The following SNRPN variants were observed in gnomAD, a reference collection of about 807,000 sequenced individuals.
SNRPN encodes the protein small nuclear ribonucleoprotein-associated protein N.
In SNRPN, 7 loss-of-function variants were observed where a neutral mutation model predicts 25.2. The observed-to-expected ratio is 0.28, with a 90% CI of 0.16 to 0.52. The LOEUF is 0.52. SNRPN is among the 20% of genes least tolerant of loss of function. The pLI is 0.96. For synonymous variants in SNRPN, 124 were observed against 110.6 expected (o/e 1.12, Z -0.76); for missense variants, 196 against 322.5 (o/e 0.61, Z 3.00).
At chr15:24,922,890 C>T (rs973719475) in intron 3 of SNRPN, among the ~76,000 whole-genome samples, 48 of 68,146 alleles carry the variant, frequency 7.0e-4, no homozygotes, top group East Asian at 1.1e-3. Context: ...TAGGCAGATC[C>T]TTTTTTTTTT....
chr15:24,919,430 CAAA>C (rs59552412), intron 2 of SNRPN, among the ~76,000 whole-genome samples: 1 of 128,424 alleles, frequency 7.8e-6, no homozygotes, highest in Non-Finnish European at 1.6e-5. Context: ...GACTCTGTCT[CAAA>C]AAAAAAAAAA....
At chr15:24,940,768 T>G (rs1473431631) in intron 3 of SNRPN, among the ~76,000 whole-genome samples, 4 of 150,740 alleles carry the variant, frequency 2.7e-5, no homozygotes, top group African/African-American at 2.5e-5. Flanking sequence ...GTGTGTGTGT[T>G]TGTGTGTGTG....
chr15:24,923,096 G>A (rs558353060), intron 3 of SNRPN, among the ~76,000 whole-genome samples: 4 of 151,922 alleles, frequency 2.6e-5, no homozygotes, highest in African/African-American at 9.7e-5. Context: ...AGCAGAGATG[G>A]GGTTTTACCA....
At chr15:24,840,781 A>G (rs2051621161) in intron 2 of SNRPN, among the ~76,000 whole-genome samples, 1 of 152,086 alleles carries the variant, frequency 6.6e-6, no homozygotes, top group Non-Finnish European at 1.5e-5. Context: ...TAGCTTTGGC[A>G]TTCATTGTGC....
At chr15:24,895,628 A>G (rs1435012100) in intron 2 of SNRPN, among the ~76,000 whole-genome samples, 1 of 152,158 alleles carries the variant, frequency 6.6e-6, no homozygotes, top group East Asian at 1.9e-4. Flanking sequence ...TATCTGGCTC[A>G]TGAGATAAGA....
At chr15:24,961,660 T>C in intron 1 of SNRPN, among the ~76,000 whole-genome samples, 1 of 152,198 alleles carries the variant, frequency 6.6e-6, no homozygotes, top group Non-Finnish European at 1.5e-5. Context: ...TTAAAGTAGA[T>C]ATTTTATAAT....
intron 7 of SNRPN, 86 bp downstream of exon 7, chr15:24,977,115 G>C: frequency 1.1e-5 from 12 of 1,048,194 alleles, no homozygotes; most frequent in South Asian, 1.8e-5. Context: ...AAGTGTATGT[G>C]TCATACAATG....
chr15:24,834,364 G>A (rs751339476), intron 2 of SNRPN, among the ~76,000 whole-genome samples: 2 of 152,040 alleles, frequency 1.3e-5, no homozygotes, highest in Non-Finnish European at 2.9e-5. Context: ...TTCTAAGACG[G>A]CTCAGCATGA....
At position 24,955,867 on chromosome 15, in the gene SNRPN, C is replaced by T. The variant is rs146275998; in HGVS notation, c.-391+805C>T. On this transcript the variant is annotated intron_variant, in intron 1 of 9. Coordinates refer to ENST00000390687, the MANE Select transcript of SNRPN (RefSeq NM_003097.6). The stretch of plus-strand genomic sequence containing the variant: ...CATGGCATGGAGGCGGTGGGCATGG[C>T]GGCCGCGGGGCCTGTCGCTGTCCGG... Among the ~76,000 whole-genome samples the T allele has an allele frequency of 2.2e-3, 332 of 151,532 alleles. 1 individual carries two copies. Among genetic ancestry groups the T allele is most frequent in the African/African-American group, 7.5e-3 (308 of 41,264 alleles).
intron 1 of SNRPN, among the ~76,000 whole-genome samples, chr15:24,955,332 G>A (rs570668357): frequency 6.6e-6 from 1 of 152,126 alleles, no homozygotes; most frequent in East Asian, 2.0e-4. Context: ...GGGTGTCTGC[G>A]GTGGGAAGGG....
intron 2 of SNRPN, among the ~76,000 whole-genome samples, chr15:24,908,147 T>A (rs797006759): frequency 6.6e-6 from 1 of 150,704 alleles, no homozygotes; most frequent in South Asian, 2.1e-4. Context: ...CTTGATGGCG[T>A]AATTGGACTT....
chr15:24,838,409 T>A (rs1042428443), intron 2 of SNRPN, among the ~76,000 whole-genome samples: 11 of 152,072 alleles, frequency 7.2e-5, no homozygotes, highest in African/African-American at 2.7e-4. Flanking sequence ...TTATAGAGTT[T>A]CAACAAATAC....
At chr15:24,941,156 T>C (rs2061530224) in intron 3 of SNRPN, among the ~76,000 whole-genome samples, 1 of 152,136 alleles carries the variant, frequency 6.6e-6, no homozygotes, top group African/African-American at 2.4e-5. Context: ...TTTGTATTTT[T>C]AGTAGATACG....
chr15:24,970,879 A>G (rs1208856778), intron 3 of SNRPN, among the ~76,000 whole-genome samples: 1 of 152,026 alleles, frequency 6.6e-6, no homozygotes, highest in Non-Finnish European at 1.5e-5. Context: ...AATTGGAATT[A>G]TTGTGTATTA....
At chr15:24,843,972 G>GA (rs58031649) in intron 2 of SNRPN, among the ~76,000 whole-genome samples, 4,179 of 135,112 alleles carry the variant, frequency 0.031, 134 homozygotes, top group African/African-American at 0.087. Context: ...ACTCTGTCTT[G>GA]AAAAAAAAAA....
rs181339667 is a variant in SNRPN at position 24,893,912 on chromosome 15, A to G, written c.-505+7323A>G. On this transcript the variant is annotated intron_variant, in intron 2 of 11. Coordinates refer to the SNRPN transcript ENST00000400097. ...AAAATAGGAAAAGAAAAACTGAAGG[A>G]AAAAGGAAAAAAACCCAATCCGTAA... 1.0e-3 allele frequency among the ~76,000 whole-genome samples: 153 copies of G among 152,314 alleles called. 1 individual carries two copies. Among genetic ancestry groups the G allele is most frequent in the African/African-American group, 3.5e-3 (146 of 41,582 alleles).
intron 3 of SNRPN, among the ~76,000 whole-genome samples, chr15:24,969,320 G>A (rs2076102050): frequency 6.6e-6 from 1 of 151,996 alleles, no homozygotes; most frequent in Admixed American, 6.6e-5. Context: ...GTAGAGACGG[G>A]GTTTCACCAT....
rs75465312 is a variant in SNRPN at position 24,929,238 on chromosome 15, C to T, written c.-391+9114C>T. ...ATATTTTCCATCCCAATCTACACCG[C>T]AGGGTTTTTCCTTGCCTTCCTATTT... On this transcript the variant is annotated intron_variant, in intron 3 of 11. Transcript: ENST00000400097. This position sits in a 1 kb window ranked among gnomAD's most constrained non-coding sequence, Gnocchi z 5.3. Among the ~76,000 whole-genome samples the T allele has an allele frequency of 0.11, 16,537 of 152,024 alleles. 980 individuals carry two copies. The highest frequency in any genetic ancestry group is 0.15 in the African/African-American group (6,163 of 41,442).
At chr15:24,844,383 T>C (rs2144151888) in intron 2 of SNRPN, among the ~76,000 whole-genome samples, 1 of 152,306 alleles carries the variant, frequency 6.6e-6, no homozygotes, top group South Asian at 2.1e-4. Context: ...TTTAACTATG[T>C]ATATGTATAA....
Sources: allele counts gnomAD v4.1 joint callset (sites outside exome capture counted in the v4.1 genomes callset), GRCh38; gene constraint gnomAD v4.1.1; non-coding constraint Gnocchi (gnomAD v3.1); transcripts MANE v1.5; gene names NCBI Gene and HGNC (gene_info 2026-07-23, HGNC 2026-07-21).